CSMD1: variants seen among roughly 807,000 people sequenced by gnomAD.
The protein encoded by CSMD1 is CUB and sushi domain-containing protein 1.
Under a neutral mutation model 417.5 loss-of-function variants are expected in CSMD1, and 213 were observed. The observed-to-expected ratio is 0.51, with a 90% confidence interval of 0.46 to 0.57. The LOEUF (loss-of-function observed/expected upper bound fraction) is 0.57. Among genes scored for constraint, CSMD1 ranks in the 20% least tolerant of loss-of-function variants. The pLI is 0.00. For missense variants in CSMD1, 6,923 were observed against 4,529.7 expected, an observed-to-expected ratio of 1.53 and a Z score of -15.17; for synonymous variants, 2,862 against 1,736.8, an observed-to-expected ratio of 1.65 and a Z score of -16.11.
intron 10 of CSMD1, among the ~76,000 whole-genome samples, chr8:3,560,245 T>C (rs1311187568): frequency 6.6e-6 from 1 of 152,138 alleles, no homozygotes; most frequent in Non-Finnish European, 1.5e-5. Flanking sequence ...AGAAGGATAA[T>C]ATTAACAGTA....
At chr8:3,607,824 G>T (rs765204077) in intron 8 of CSMD1, among the ~76,000 whole-genome samples, 6 of 152,174 alleles carry the variant, frequency 3.9e-5, no homozygotes, top group African/African-American at 1.4e-4. Flanking sequence ...CAGCATGGCT[G>T]GTGTTGGTGT....
intron 2 of CSMD1, among the ~76,000 whole-genome samples, chr8:4,433,948 G>C (rs577632467): frequency 2.2e-4 from 34 of 152,160 alleles, no homozygotes; most frequent in Admixed American, 1.2e-3. Flanking sequence ...TAGAATTGAG[G>C]TTTATTCACT....
intron 1 of CSMD1, among the ~76,000 whole-genome samples, chr8:4,747,804 C>T (rs1265499111): frequency 1.3e-5 from 2 of 152,184 alleles, no homozygotes; most frequent in Non-Finnish European, 2.9e-5. Context: ...CATCGAAACC[C>T]AGCCAAAGCA....
At chr8:3,403,887 T>C (rs1585112844) in intron 15 of CSMD1, among the ~76,000 whole-genome samples, 2 of 152,328 alleles carry the variant, frequency 1.3e-5, no homozygotes, top group East Asian at 1.9e-4. Flanking sequence ...ATAAAAACTG[T>C]ACATTTACCA....
intron 39 of CSMD1, among the ~76,000 whole-genome samples, chr8:3,153,957 A>C (rs140310186): frequency 1.3e-5 from 2 of 152,174 alleles, no homozygotes; most frequent in East Asian, 3.9e-4. Flanking sequence ...ACGCATATCC[A>C]TCTTTTCTTC....
At chr8:3,523,762 C>G (rs1797619039) in intron 10 of CSMD1, among the ~76,000 whole-genome samples, 1 of 151,446 alleles carries the variant, frequency 6.6e-6, no homozygotes, top group Non-Finnish European at 1.5e-5. Context: ...TGCACACACA[C>G]ATGCACACAC....
At chr8:4,217,483 G>T (rs1800753893) in intron 3 of CSMD1, among the ~76,000 whole-genome samples, 1 of 152,126 alleles carries the variant, frequency 6.6e-6, no homozygotes, top group Admixed American at 6.6e-5. Context: ...ACAGGTAAGG[G>T]TCACATGACT....
chr8:4,694,232 A>G (rs1052412129), intron 1 of CSMD1, among the ~76,000 whole-genome samples: 18 of 152,224 alleles, frequency 1.2e-4, no homozygotes, highest in African/African-American at 4.3e-4. Context: ...AAGACTAATC[A>G]GAAACTCAAA....
At position 3,648,758 on chromosome 8, in the gene CSMD1, A is replaced by C. The variant is rs1797700893; in HGVS notation, c.1010-31961T>G. Among the ~76,000 whole-genome samples the C allele has an allele frequency of 2.0e-5, 3 of 152,208 alleles. No homozygotes were observed. The South Asian group carries it at 6.2e-4, about 31-fold the overall frequency. ...CTCATGTCTGTGCACCTGAGACATA[A>C]AGTAAGCAGTATGCATTGTATTTAA... On this transcript the variant is annotated intron_variant, in intron 7 of 69. Coordinates refer to ENST00000635120, the MANE Select transcript of CSMD1 (RefSeq NM_033225.6).
intron 2 of CSMD1, among the ~76,000 whole-genome samples, chr8:4,500,775 A>T (rs954459085): frequency 1.3e-5 from 2 of 152,148 alleles, no homozygotes; most frequent in African/African-American, 4.8e-5. Context: ...TGGCAATTTT[A>T]AACAGGTTTC....
At chr8:4,379,984 G>T (rs1277899243) in intron 3 of CSMD1, among the ~76,000 whole-genome samples, 1 of 152,224 alleles carries the variant, frequency 6.6e-6, no homozygotes, top group African/African-American at 2.4e-5. Flanking sequence ...ACATGGAATA[G>T]CATCAGTATT....
At chr8:3,044,138 T>C (rs1451706758) in intron 50 of CSMD1, among the ~76,000 whole-genome samples, 1 of 152,220 alleles carries the variant, frequency 6.6e-6, no homozygotes, top group East Asian at 1.9e-4. Flanking sequence ...GAAACACTTA[T>C]AATATTCTAA....
intron 3 of CSMD1, among the ~76,000 whole-genome samples, chr8:4,398,521 G>A (rs368102733): frequency 1.3e-5 from 2 of 150,872 alleles, no homozygotes; most frequent in Non-Finnish European, 2.9e-5. Flanking sequence ...AGCCTCCCGA[G>A]TAGGTGGGAC....
At chr8:3,727,911 G>A (rs956654973) in intron 6 of CSMD1, among the ~76,000 whole-genome samples, 1 of 152,148 alleles carries the variant, frequency 6.6e-6, no homozygotes, top group African/African-American at 2.4e-5. Context: ...ACTTAGAGTA[G>A]TCAAATTCAA....
chr8:4,325,108 A>G (rs1279523371), intron 3 of CSMD1, among the ~76,000 whole-genome samples: 1 of 152,154 alleles, frequency 6.6e-6, no homozygotes, highest in African/African-American at 2.4e-5. Context: ...AACCCACTTG[A>G]TGATACTGCA....
chr8:4,410,699 A>T (rs1432258369), intron 3 of CSMD1, among the ~76,000 whole-genome samples: 1 of 152,136 alleles, frequency 6.6e-6, no homozygotes, highest in Admixed American at 6.5e-5. Context: ...ATTAATAAAA[A>T]AATCTTGGGA....
At chr8:3,566,126 A>G (rs1037607522) in intron 10 of CSMD1, among the ~76,000 whole-genome samples, 7 of 152,112 alleles carry the variant, frequency 4.6e-5, no homozygotes, top group Non-Finnish European at 1.0e-4. Context: ...AGGAGAGGGA[A>G]AAGATGGAGG....
chr8:3,907,787 G>A (rs148805617), intron 5 of CSMD1, among the ~76,000 whole-genome samples: 5 of 152,238 alleles, frequency 3.3e-5, no homozygotes, highest in East Asian at 1.9e-4. Flanking sequence ...AGAATCACCC[G>A]CTGCTCGTAT....
At chr8:3,562,605 T>C (rs1270886820) in intron 10 of CSMD1, among the ~76,000 whole-genome samples, 2 of 152,202 alleles carry the variant, frequency 1.3e-5, no homozygotes, top group Non-Finnish European at 2.9e-5. Context: ...AGTAAAATTT[T>C]ATTTCTAGAA....
Sources: allele counts gnomAD v4.1 joint callset (sites outside exome capture counted in the v4.1 genomes callset), GRCh38; gene constraint gnomAD v4.1.1; transcripts MANE v1.5; gene names NCBI Gene and HGNC (gene_info 2026-07-23, HGNC 2026-07-21).